Variants in HARS2 observed in about 807,000 individuals in gnomAD.
The protein encoded by HARS2 is histidyl-tRNA synthetase 2, mitochondrial.
Under a neutral mutation model 62.4 loss-of-function variants are expected in HARS2, and 40 were observed. The ratio of observed to expected loss-of-function variants is 0.64; its 90% CI spans 0.50 to 0.83. The LOEUF (loss-of-function observed/expected upper bound fraction) is 0.83. HARS2 is among the 40% of genes least tolerant of loss of function. The pLI is 0.00. For missense variants in HARS2, 569 were observed against 626.4 expected, an observed-to-expected ratio of 0.91 and a Z score of 0.98; for synonymous variants, 228 against 227.0, an observed-to-expected ratio of 1.00 and a Z score of -0.04.
chr5:140,696,913 G>A (rs780706500), intron 8 of HARS2, 30 bp from the exon 9 acceptor site: 1 of 1,604,848 alleles, frequency 6.2e-7, no homozygotes, highest in South Asian at 1.1e-5. Flanking sequence ...ACACATGTGA[G>A]TGAACAGCAG....
At position 140,698,038 on chromosome 5, in the gene HARS2, A is replaced by G. The variant is rs562743285; in HGVS notation, c.1421A>G (p.Glu474Gly). 2.8e-4 allele frequency: 460 copies of G among 1,614,202 alleles called. 4 individuals carry two copies. The South Asian group carries it at 4.9e-3, about 17-fold the overall frequency. ...VVIIGEQELK[E>G]GVIKIRSVAS... ...ATTATTGGTGAGCAAGAACTGAAAG[A>G]AGGGGTCATCAAGATCCGTTCAGTG... The change falls in exon 12 of 13, where the codon GAA (glutamate) becomes GGA (glycine). Residue 474 changes from glutamate (E) to glycine (G), a missense_variant. Transcript: ENST00000230771.
chr5:140,698,506 G>C lies in HARS2; in HGVS notation c.1475G>C (p.Arg492Pro). The C allele has an allele frequency of 6.2e-7, 1 of 1,611,696 alleles. No individual in the cohort carries two copies. The highest frequency in any genetic ancestry group is 1.1e-5 in the South Asian group (1 of 91,046). ...CTTATGTTTCAGGTGGCCATTAAAC[G>C]GGAAAATTTTGTGGCTGAAATTCAG... ...VASREEVAIK[R>P]ENFVAEIQKR... is the part of the protein sequence containing the mutation. The change falls in exon 13 of 13, where the codon CGG (arginine) becomes CCG (proline). Residue 492 changes from arginine to proline, a missense_variant. Physicochemically the swap from Arg to Pro is moderately radical, Grantham distance 103 (BLOSUM62 -2). Coordinates refer to ENST00000230771, the MANE Select transcript of HARS2 (RefSeq NM_012208.4).
chr5:140,691,721 G>C lies in HARS2; in HGVS notation c.73G>C (p.Ala25Pro). 6.4e-7 allele frequency: 1 copy of C among 1,552,614 alleles called. No homozygotes were observed. The highest frequency in any genetic ancestry group is 2.4e-5 in the East Asian group (1 of 41,106). ...CAGCCAGCTCCTGCGACCGCCCTGCGCTTCGTGCACCGGGGCGGTCCGTTG... is the reference window on the plus strand; with the variant it reads ...CAGCCAGCTCCTGCGACCGCCCTGCCCTTCGTGCACCGGGGCGGTCCGTTG... ...LLSQLLRPPCASCTGAVRCQS... is the reference protein window; with the variant it reads ...LLSQLLRPPCPSCTGAVRCQS... Residue 25 changes from alanine (A) to proline (P), a missense_variant, in exon 1 of 13, where the codon GCT becomes CCT. By Grantham distance (27) the Ala-to-Pro change is conservative (BLOSUM62 -1). Transcript: ENST00000230771.
rs938629437 is a variant in HARS2, at chr5:140,691,512, T to G, written c.-137T>G. On this transcript the variant is annotated 5_prime_UTR_variant, in exon 1 of 13. Transcript: ENST00000230771. ...ATCCCACCTCAGCCTTCGTGACTAG[T>G]GAGGTGCGCAAACGCCCGAGTTTTC... is the stretch of plus-strand genomic sequence containing the variant. The G allele has an allele frequency of 4.0e-6, 3 of 749,522 alleles. No homozygotes were observed. The highest frequency in any genetic ancestry group is 3.4e-5 in the African/African-American group (2 of 58,068). The allele number at this position is 749,522 out of a possible 1,614,324, so 46.4% of individuals were successfully genotyped here. A position where few individuals can be genotyped will look rare whatever the true frequency, so the allele number is the denominator to read the frequency against.
intron 4 of HARS2, 74 bp downstream of exon 4, chr5:140,694,354 A>G: frequency 9.6e-7 from 1 of 1,039,528 alleles, no homozygotes; most frequent in Non-Finnish European, 1.5e-6. Flanking sequence ...AAAGTGGAGA[A>G]CGTGACTTTG....
At chr5:140,696,890 A>G (rs987826669) in intron 8 of HARS2, 53 bp from the exon 9 acceptor site, 2 of 1,553,986 alleles carry the variant, frequency 1.3e-6, no homozygotes, top group Non-Finnish European at 8.8e-7. Flanking sequence ...CATTAGGGAT[A>G]ATTTTGAATG....
At chr5:140,696,842 T>G in intron 8 of HARS2, 101 bp from the exon 9 acceptor site, 1 of 1,114,632 alleles carries the variant, frequency 9.0e-7, no homozygotes. Flanking sequence ...TTTTTTTTTT[T>G]TTTTTTTTAA....
chr5:140,698,342 G>T (rs964067114), intron 12 of HARS2, 151 bp from the exon 13 acceptor site: 1 of 783,186 alleles, frequency 1.3e-6, no homozygotes. Flanking sequence ...TCATCTTGAG[G>T]GTATACATTC....
Position 140,697,173 on chromosome 5 carries a change from G to C in HARS2, c.964G>C (p.Asp322His). 6.2e-7 allele frequency: 1 copy of C among 1,614,156 alleles called. No individual in the cohort carries two copies. The highest frequency in any genetic ancestry group is 2.2e-5 in the East Asian group (1 of 44,886). Residue 322 changes from aspartate to histidine, a missense_variant, in exon 10 of 13, where the codon GAC becomes CAC. Transcript: ENST00000230771. ...LFGIADKISF[D>H]LSLARGLDYY... ...AATCTTGTCCCCACAGATCTCCTTT[G>C]ACCTCAGCCTGGCTCGGGGCCTAGA...
In HARS2 at chr5:140,697,762, G is replaced by T. The variant is rs1759811786; in HGVS notation, c.1314+77G>T. The T allele has an allele frequency of 3.8e-6, 5 of 1,298,716 alleles. No homozygotes were observed. In the South Asian group the frequency reaches 5.9e-5, roughly 15 times the overall value. 80.4% of individuals were successfully genotyped at this position (1,298,716 alleles called of 1,614,324 possible). A position where few individuals can be genotyped will look rare whatever the true frequency, so the allele number is the denominator to read the frequency against. On this transcript the variant is annotated intron_variant, in intron 11 of 12. Coordinates refer to ENST00000230771, the MANE Select transcript of HARS2 (RefSeq NM_012208.4). ...CCAGGGCTATATCTATCTTATGTCT[G>T]GGGTGGAACTCAAAACCTTTTTAGT...
chr5:140,693,817 G>A, intron 2 of HARS2, 118 bp from the exon 3 acceptor site: 1 of 1,297,406 alleles, frequency 7.7e-7, no homozygotes, highest in Non-Finnish European at 1.1e-6. Context: ...AGAGTCATTT[G>A]AACTCAGTAG....
At chr5:140,696,425 C>A in intron 7 of HARS2, 96 bp from the exon 8 acceptor site, 1 of 966,638 alleles carries the variant, frequency 1.0e-6, no homozygotes, top group East Asian at 2.4e-5. Flanking sequence ...CAGTTAGCTA[C>A]TTGTGATGTA....
chr5:140,691,512 T>C lies in HARS2; in HGVS notation c.-137T>C, dbSNP rs938629437. The C allele has an allele frequency of 2.7e-6, 2 of 749,522 alleles. No homozygotes were observed. Among genetic ancestry groups the C allele is most frequent in the East Asian group, 5.4e-5 (2 of 37,250 alleles). 46.4% of individuals were successfully genotyped at this position (749,522 alleles called of 1,614,324 possible). A position where few individuals can be genotyped will look rare whatever the true frequency, so the allele number is the denominator to read the frequency against. ...ATCCCACCTCAGCCTTCGTGACTAG[T>C]GAGGTGCGCAAACGCCCGAGTTTTC... On this transcript the variant is annotated 5_prime_UTR_variant, in exon 1 of 13. Transcript: ENST00000230771.
At chr5:140,697,451 C>A in intron 10 of HARS2, 45 bp downstream of exon 10, 1 of 1,613,098 alleles carries the variant, frequency 6.2e-7, no homozygotes. Flanking sequence ...ACCTAAAAAC[C>A]CTCCTGTTTC....
chr5:140,691,763 G>A lies in HARS2; in HGVS notation c.108+7G>A, dbSNP rs1254263190. The A allele has an allele frequency of 4.6e-6, 7 of 1,535,876 alleles. No homozygotes were observed. The highest frequency in any genetic ancestry group is 6.2e-6 in the Non-Finnish European group (7 of 1,133,118). Reference sequence around the variant, plus strand: ...GGTCCGTTGCCAAAGCCAGGTGAGCGAGACAGAATTATCTCTGGTCTGTCC... The same window carrying A: ...GGTCCGTTGCCAAAGCCAGGTGAGCAAGACAGAATTATCTCTGGTCTGTCC... On this transcript the variant is annotated splice_region_variant and intron_variant, in intron 1 of 12. Coordinates refer to ENST00000230771, the MANE Select transcript of HARS2 (RefSeq NM_012208.4).
chr5:140,691,670 C>T lies in HARS2; in HGVS notation c.22C>T (p.Pro8Ser), dbSNP rs1759481404. 1.3e-6 allele frequency: 2 copies of T among 1,551,068 alleles called. No homozygotes were observed. Among genetic ancestry groups the T allele is most frequent in the Non-Finnish European group, 1.7e-6 (2 of 1,146,916 alleles). Residue 8 changes from proline to serine, a missense_variant, in exon 1 of 13, where the codon CCC becomes TCC. Transcript: ENST00000230771. ...CGCGATGCCCCTGCTCGGACTTCTT[C>T]CCAGGAGGGCCTGGGCTTCGCTGCT... Reference protein sequence around the residue: MPLLGLLPRRAWASLLSQ... With the variant: MPLLGLLSRRAWASLLSQ...
chr5:140,694,119 A>G, intron 3 of HARS2, 65 bp downstream of exon 3: 1 of 1,608,752 alleles, frequency 6.2e-7, no homozygotes. Flanking sequence ...AGTGTCCCAA[A>G]GGGCTTCTCA....
At chr5:140,694,639 G>A (rs1759676701) in intron 4 of HARS2, among the ~76,000 whole-genome samples, 2 of 152,216 alleles carry the variant, frequency 1.3e-5, no homozygotes, top group African/African-American at 2.4e-5. Context: ...GCTGAGGCAG[G>A]TGGATCACCT....
intron 7 of HARS2, 50 bp from the exon 8 acceptor site, chr5:140,696,471 T>G (rs751520344): frequency 7.2e-7 from 1 of 1,386,332 alleles, no homozygotes; most frequent in Non-Finnish European, 1.0e-6. Context: ...CTTTTTCAGT[T>G]TGAGAAAGAA....
Sources: gnomAD v4.1 joint callset for allele counts (sites outside exome capture counted in the v4.1 genomes callset) on GRCh38, gnomAD v4.1.1 for gene constraint, MANE v1.5 for transcripts, NCBI Gene and HGNC (gene_info 2026-07-23, HGNC 2026-07-21) for gene names.